SMIM22: variants seen among roughly 807,000 people sequenced by gnomAD.
SMIM22 encodes the protein cancer associated small integral membrane open reading frame 1.
A neutral mutation model predicts 8.4 loss-of-function variants in SMIM22; 16 were observed. That is an observed-to-expected ratio of 1.90 (90% CI 1.29 to 2.89). SMIM22 has a LOEUF of 2.89. SMIM22 is among the 30% of genes most tolerant of loss of function. The pLI, the probability that SMIM22 is intolerant of heterozygous loss-of-function variation, is 0.00. For missense variants in SMIM22, 159 were observed against 107.5 expected, an observed-to-expected ratio of 1.48 and a Z score of -2.12; for synonymous variants, 67 against 47.6, an observed-to-expected ratio of 1.41 and a Z score of -1.68.
In SMIM22 at chr16:4,796,178, C is replaced by G. The variant is rs1169752631; in HGVS notation, c.226-12C>G. On this transcript the variant is annotated splice_polypyrimidine_tract_variant and intron_variant, in intron 3 of 3. Coordinates refer to ENST00000586005, the MANE Select transcript of SMIM22 (RefSeq NM_001253794.2). ...AGCGAACCTGCTTGGTCCCGCTGTG[C>G]TTCTCGTGCAGGAAAGACCCAAGGG... is the stretch of plus-strand genomic sequence containing the variant. The G allele has an allele frequency of 1.3e-6, 2 of 1,535,922 alleles. No individual in the cohort carries two copies. Among genetic ancestry groups the G allele is most frequent in the Non-Finnish European group, 1.7e-6 (2 of 1,146,880 alleles).
chr16:4,794,607 A>G (rs112216163), upstream of SMIM22, among the ~76,000 whole-genome samples: 10,573 of 151,814 alleles, frequency 0.07, 1,225 homozygotes, highest in African/African-American at 0.24. Flanking sequence ...TTTAGTAGAG[A>G]CATGGTTTCT....
upstream of SMIM22, among the ~76,000 whole-genome samples, chr16:4,794,228 C>G (rs1474335742): frequency 1.3e-5 from 2 of 152,050 alleles, no homozygotes; most frequent in African/African-American, 2.4e-5. Context: ...CTGCCTCAGC[C>G]TCCTGAGTAG....
upstream of SMIM22, among the ~76,000 whole-genome samples, chr16:4,792,510 GAAGT>G (rs2141893818): frequency 6.8e-6 from 1 of 146,046 alleles, no homozygotes; most frequent in South Asian, 2.4e-4. Flanking sequence ...TTTTTAAATA[GAAGT>G]ATGTCTGCTG....
upstream of SMIM22, among the ~76,000 whole-genome samples, chr16:4,792,504 T>A (rs12918454): frequency 1 from 149,264 of 149,266 alleles, 74,631 homozygotes; most frequent in Middle Eastern, 1. Flanking sequence ...CTGCACTTTT[T>A]AAATAGAAGT....
Position 4,796,251 on chromosome 16 carries a change from T to G in SMIM22, c.*20T>G. ...CCCTGACCCTGTGTCTCCTGCCCGG[T>G]GGCAGTAACAAAGCCTTCTGTCTGC... On this transcript the variant is annotated 3_prime_UTR_variant, in exon 4 of 4. Transcript: ENST00000586005. 3 of 1,535,282 alleles carry G rather than the reference T, an allele frequency of 2.0e-6. 1 individual carries two copies. The South Asian group carries it at 3.6e-5, about 18-fold the overall frequency.
upstream of SMIM22, among the ~76,000 whole-genome samples, chr16:4,794,799 T>C (rs145396849): frequency 0.012 from 1,776 of 152,340 alleles, 14 homozygotes; most frequent in Non-Finnish European, 0.018. Flanking sequence ...AAGTAAGTGA[T>C]CTGCCCAACT....
Position 4,796,193 on chromosome 16 carries a change from A to T in SMIM22, c.229A>T (p.Arg77Ter). ...TCCCGCTGTGCTTCTCGTGCAGGAA[A>T]GACCCAAGGGAGTGGATAACTTGGC... ...SPRKVSPWKE[R>*]PKGVDNLALE... The change falls in exon 4 of 4, where the codon AGA (arginine) becomes TGA (stop). Residue 77 changes from arginine to a stop codon, truncating the protein, a stop_gained. Transcript: ENST00000586005. LOFTEE classifies it high-confidence loss of function. The T allele has an allele frequency of 6.5e-7, 1 of 1,536,052 alleles. No individual in the cohort carries two copies. The highest frequency in any genetic ancestry group is 1.2e-5 in the South Asian group (1 of 84,062).
chr16:4,791,646 C>G (rs1002245413), upstream of SMIM22, among the ~76,000 whole-genome samples: 1 of 152,240 alleles, frequency 6.6e-6, no homozygotes, highest in African/African-American at 2.4e-5. Flanking sequence ...CCTCCTCCTC[C>G]TGTTACTGTC....
upstream of SMIM22, among the ~76,000 whole-genome samples, chr16:4,793,918 A>G (rs777474192): frequency 1.3e-5 from 2 of 151,942 alleles, no homozygotes; most frequent in Non-Finnish European, 2.9e-5. Flanking sequence ...CTGGGATTAC[A>G]GGAGTATGCC....
At chr16:4,796,158 A>C in intron 3 of SMIM22, 32 bp from the exon 4 acceptor site, 1 of 1,535,952 alleles carries the variant, frequency 6.5e-7, no homozygotes, top group Non-Finnish European at 8.7e-7. Context: ...CAACGAGCGA[A>C]CCTGCTTGGT....
At chr16:4,791,081 C>G (rs1386917764), upstream of SMIM22, among the ~76,000 whole-genome samples, 1 of 152,174 alleles carries the variant, frequency 6.6e-6, no homozygotes, top group Non-Finnish European at 1.5e-5. Flanking sequence ...GGGGATGTCC[C>G]CTAAGGAAAT....
chr16:4,796,398 C>G lies in SMIM22; in HGVS notation c.*167C>G, dbSNP rs1016029693. ...TTCAGTCAGCACGACTGTGCCAGGTCATCCTCAGTCACCTAGCTGGGAGGG... is the reference window on the plus strand; with the variant it reads ...TTCAGTCAGCACGACTGTGCCAGGTGATCCTCAGTCACCTAGCTGGGAGGG... On this transcript the variant is annotated 3_prime_UTR_variant, in exon 4 of 4. Transcript: ENST00000586005. 1.3e-6 allele frequency: 1 copy of G among 752,692 alleles called. No homozygotes were observed. The highest frequency in any genetic ancestry group is 1.8e-5 in the South Asian group (1 of 54,574). 46.6% of individuals were successfully genotyped at this position (752,692 alleles called of 1,614,324 possible). A position where few individuals can be genotyped will look rare whatever the true frequency, so the allele number is the denominator to read the frequency against.
intron 2 of SMIM22, among the ~76,000 whole-genome samples, chr16:4,789,306 CT>C (rs980508622): frequency 3.3e-5 from 5 of 150,966 alleles, no homozygotes; most frequent in Non-Finnish European, 4.4e-5. Context: ...CATGCCTGGC[CT>C]TTTTTTTTCT....
rs543414571 is a variant in SMIM22 at position 4,796,440 on chromosome 16, G to A, written c.*209G>A. The A allele has an allele frequency of 9.7e-5, 60 of 618,432 alleles. No homozygotes were observed. The highest frequency in any genetic ancestry group is 1.5e-4 in the Non-Finnish European group (52 of 357,458). The allele number at this position is 618,432 out of a possible 1,614,324, so 38.3% of individuals were successfully genotyped here. On this transcript the variant is annotated 3_prime_UTR_variant, in exon 4 of 4. Coordinates refer to ENST00000586005, the MANE Select transcript of SMIM22 (RefSeq NM_001253794.2). ...CTGGGAGGGGAGCTGGTCTCAGGCC[G>A]GGCGCGGTGGCTCACACCTATAATC...
chr16:4,791,311 C>G (rs1164379533), upstream of SMIM22, among the ~76,000 whole-genome samples: 1 of 152,170 alleles, frequency 6.6e-6, no homozygotes, highest in East Asian at 1.9e-4. Flanking sequence ...AAAAAACGAT[C>G]TATGCAGCGT....
chr16:4,793,601 G>C (rs2082587776), upstream of SMIM22, among the ~76,000 whole-genome samples: 1 of 152,188 alleles, frequency 6.6e-6, no homozygotes, highest in Non-Finnish European at 1.5e-5. Flanking sequence ...AAGAGTCCTA[G>C]TACAGCTGGC....
chr16:4,795,455 T>C lies in SMIM22; in HGVS notation c.-21+6T>C. On this transcript the variant is annotated splice_donor_region_variant and intron_variant, in intron 1 of 3. Transcript: ENST00000586005. ...GAATTGGAGGCTTCTAGGAGGTAGG[T>C]GGGGGCCTGGGGGCTGGGCTGCCAG... 6.6e-6 allele frequency: 3 copies of C among 454,326 alleles called. No individual in the cohort carries two copies. Among genetic ancestry groups the C allele is most frequent in the Non-Finnish European group, 1.2e-5 (3 of 252,756 alleles). The allele number at this position is 454,326 out of a possible 1,614,324, so 28.1% of individuals were successfully genotyped here. A position where few individuals can be genotyped will look rare whatever the true frequency, so the allele number is the denominator to read the frequency against.
At chr16:4,791,254 G>A (rs1436764340), upstream of SMIM22, among the ~76,000 whole-genome samples, 4 of 152,192 alleles carry the variant, frequency 2.6e-5, no homozygotes, top group South Asian at 8.3e-4. Context: ...AAAGCATGCT[G>A]TCATCTGGAA....
chr16:4,795,799 A>AC lies in SMIM22; in HGVS notation c.67dup (p.Gln23ProfsTer61). On this transcript the variant is annotated frameshift_variant, in exon 2 of 4. Transcript: ENST00000586005. LOFTEE classifies it high-confidence loss of function. ...GAAGTCCTGGGGAGACTGAAGAGCC[A>AC]CCAGTTTTTCCAGTCCACATGGGAC... 6.5e-7 allele frequency: 1 copy of AC among 1,535,986 alleles called. No homozygotes were observed. Among genetic ancestry groups the AC allele is most frequent in the Non-Finnish European group, 8.7e-7 (1 of 1,146,812 alleles).
Sources: allele counts gnomAD v4.1 joint callset (sites outside exome capture counted in the v4.1 genomes callset), GRCh38; gene constraint gnomAD v4.1.1; transcripts MANE v1.5; gene names NCBI Gene and HGNC (gene_info 2026-07-23, HGNC 2026-07-21).